Variants in DMD observed in about 807,000 individuals in gnomAD.
DMD encodes dystrophin.
In DMD, 63 loss-of-function variants were observed where a neutral mutation model predicts 330.1. The observed-to-expected ratio is 0.19, with a 90% CI of 0.16 to 0.24. The LOEUF is 0.24. Ranked by LOEUF, DMD falls within the 10% of genes least tolerant of loss-of-function variation. The pLI, the probability that DMD is intolerant of heterozygous loss-of-function variation, is 1.00. For synonymous variants in DMD, 1,223 were observed against 959.8 expected, an observed-to-expected ratio of 1.27 and a Z score of -5.07; for missense variants, 3,344 against 2,684.1, an observed-to-expected ratio of 1.25 and a Z score of -5.43.
At chrX:32,433,462 G>A (rs1255746172) in intron 29 of DMD, among the ~76,000 whole-genome samples, 1 of 112,130 alleles carries the variant, frequency 8.9e-6, no homozygotes, top group Non-Finnish European at 1.9e-5. Flanking sequence ...CGGATAACCT[G>A]AGGTCAGGTG....
At chrX:31,273,522 T>C (rs1035487113) in intron 62 of DMD, among the ~76,000 whole-genome samples, 4 of 112,254 alleles carry the variant, frequency 3.6e-5, no homozygotes, top group Admixed American at 9.5e-5. Flanking sequence ...AATGTAACCA[T>C]TGTTAATACT....
intron 62 of DMD, among the ~76,000 whole-genome samples, chrX:31,272,353 T>C (rs2051709642): frequency 8.9e-6 from 1 of 112,184 alleles, no homozygotes; most frequent in Non-Finnish European, 1.9e-5. Context: ...CCCATGTATA[T>C]GACCCACACC....
intron 9 of DMD, among the ~76,000 whole-genome samples, chrX:32,674,957 C>A (rs779037849): frequency 9.0e-6 from 1 of 111,537 alleles, no homozygotes; most frequent in Non-Finnish European, 1.9e-5. Flanking sequence ...ATATAATAGA[C>A]TTTAATGTTC....
At chrX:32,977,606 T>C (rs1286490494) in intron 2 of DMD, among the ~76,000 whole-genome samples, 1 of 111,679 alleles carries the variant, frequency 9.0e-6, no homozygotes, top group Non-Finnish European at 1.9e-5. Context: ...AGACTCTTCC[T>C]TCCTTGTAGC....
At chrX:33,119,811 A>G (rs1329326540) in intron 1 of DMD, among the ~76,000 whole-genome samples, 1 of 111,923 alleles carries the variant, frequency 8.9e-6, no homozygotes, top group Non-Finnish European at 1.9e-5. Flanking sequence ...TTATTGTAGT[A>G]TCTAAGGGTA....
At chrX:31,136,232 A>G (rs2035205865) in intron 76 of DMD, among the ~76,000 whole-genome samples, 1 of 111,469 alleles carries the variant, frequency 9.0e-6, no homozygotes, top group African/African-American at 3.3e-5. Context: ...GTCACAAAGC[A>G]GAAAAGGAAT....
intron 12 of DMD, among the ~76,000 whole-genome samples, chrX:32,613,606 A>C (rs1199907312): frequency 9.1e-6 from 1 of 110,394 alleles, no homozygotes; most frequent in Non-Finnish European, 1.9e-5. Flanking sequence ...ATTTACTATA[A>C]ATTGAATGTA....
intron 17 of DMD, among the ~76,000 whole-genome samples, chrX:32,535,663 C>G (rs1371921230): frequency 9.0e-6 from 1 of 111,632 alleles, no homozygotes; most frequent in Non-Finnish European, 1.9e-5. Flanking sequence ...AGTTGCCTCT[C>G]CATCCCCTGC....
intron 2 of DMD, among the ~76,000 whole-genome samples, chrX:32,883,583 G>A (rs2084174344): frequency 9.1e-6 from 1 of 110,152 alleles, no homozygotes; most frequent in Admixed American, 9.7e-5. Context: ...CCCGCACTTT[G>A]GGAGGCCGAG....
chrX:32,123,645 C>T (rs2096648851), intron 44 of DMD, among the ~76,000 whole-genome samples: 1 of 111,740 alleles, frequency 8.9e-6, no homozygotes, highest in African/African-American at 3.3e-5. Flanking sequence ...CACAGGCCAG[C>T]CTAAATTTAC....
intron 47 of DMD, among the ~76,000 whole-genome samples, chrX:31,928,037 A>C: frequency 8.9e-6 from 1 of 112,373 alleles, no homozygotes; most frequent in Non-Finnish European, 1.9e-5. Flanking sequence ...TGTTTAAATA[A>C]AATGATTGCG....
At chrX:31,992,367 G>A (rs1039351026) in intron 44 of DMD, among the ~76,000 whole-genome samples, 3 of 111,476 alleles carry the variant, frequency 2.7e-5, no homozygotes, top group African/African-American at 9.8e-5. Flanking sequence ...GAAGAGATAT[G>A]TTAAAATTAG....
chrX:32,713,113 T>C (rs2065345347), intron 7 of DMD, among the ~76,000 whole-genome samples: 1 of 112,046 alleles, frequency 8.9e-6, no homozygotes, highest in Admixed American at 9.5e-5. Flanking sequence ...CTATGTTAAG[T>C]ATGTTATAAA....
At chrX:32,119,920 C>A (rs962778535) in intron 44 of DMD, among the ~76,000 whole-genome samples, 1 of 111,943 alleles carries the variant, frequency 8.9e-6, no homozygotes, top group Non-Finnish European at 1.9e-5. Context: ...AGTGCACAGT[C>A]TTGCAATTAC....
chrX:31,271,199 G>T (rs2051602590), intron 62 of DMD, among the ~76,000 whole-genome samples: 1 of 111,574 alleles, frequency 9.0e-6, no homozygotes, highest in Non-Finnish European at 1.9e-5. Context: ...GCAGAAGAGG[G>T]TTAGGAAAGA....
intron 1 of DMD, among the ~76,000 whole-genome samples, chrX:33,310,766 C>T (rs754926322): frequency 2.0e-4 from 22 of 110,623 alleles, no homozygotes; most frequent in Admixed American, 5.9e-4. Flanking sequence ...ATAAAGATTA[C>T]GAGTCTAGGC....
intron 1 of DMD, among the ~76,000 whole-genome samples, chrX:33,230,114 C>A (rs1052356431): frequency 1.2e-4 from 13 of 110,838 alleles, no homozygotes; most frequent in Middle Eastern, 4.7e-3. Flanking sequence ...ACGACTATAG[C>A]TAAATATACA....
At chrX:32,687,399 T>C (rs1297867317) in intron 9 of DMD, among the ~76,000 whole-genome samples, 1 of 111,965 alleles carries the variant, frequency 8.9e-6, no homozygotes, top group African/African-American at 3.2e-5. Context: ...TACTTCTCCA[T>C]CAAGAGTTGG....
intron 4 of DMD, among the ~76,000 whole-genome samples, chrX:32,826,020 C>T (rs2078666915): frequency 9.0e-6 from 1 of 110,962 alleles, no homozygotes; most frequent in African/African-American, 3.3e-5. Context: ...ACCTCAAACC[C>T]TATCTAGGGC....
Sources: allele counts gnomAD v4.1 joint callset (sites outside exome capture counted in the v4.1 genomes callset), GRCh38; gene constraint gnomAD v4.1.1; transcripts MANE v1.5; gene names NCBI Gene and HGNC (gene_info 2026-07-23, HGNC 2026-07-21).